Variants in SRPK1 observed in about 807,000 individuals in gnomAD.
The protein encoded by SRPK1 is SRSF protein kinase 1.
In SRPK1, 52 loss-of-function variants were observed where a neutral mutation model predicts 89.5. That is an observed-to-expected ratio of 0.58 (90% CI 0.46 to 0.73). The LOEUF is 0.73. SRPK1 is among the 30% of genes least tolerant of loss of function. SRPK1 has a pLI of 0.00. For synonymous variants in SRPK1, 255 were observed against 270.2 expected (o/e 0.94, Z 0.55); for missense variants, 603 against 780.6 (o/e 0.77, Z 2.71).
At position 35,869,852 on chromosome 6, in the gene SRPK1, T is replaced by G; in HGVS notation, c.1041A>C (p.Thr347=). ...AATTAATTTCTGCTGCACCACCCTC[T>G]GTATCACGTTCCATAAGCGTTTGAT... ...GQDQTLMERD[T]EGGAAEINCN... Residue 347 remains threonine (T), a synonymous_variant, in exon 11 of 16, where the codon ACA becomes ACC. Coordinates refer to ENST00000373825, the MANE Select transcript of SRPK1 (RefSeq NM_003137.5). 1 of 1,603,468 alleles carries G rather than the reference T, an allele frequency of 6.2e-7. No individual in the cohort carries two copies. Among genetic ancestry groups the G allele is most frequent in the Non-Finnish European group, 8.5e-7 (1 of 1,174,878 alleles).
chr6:35,900,476 C>T (rs1770718012), intron 2 of SRPK1, among the ~76,000 whole-genome samples: 1 of 152,116 alleles, frequency 6.6e-6, no homozygotes, highest in Non-Finnish European at 1.5e-5. Context: ...GTATAGGGTC[C>T]CTGCCTTCAC....
intron 2 of SRPK1, among the ~76,000 whole-genome samples, chr6:35,915,379 C>T (rs1771064953): frequency 7.1e-6 from 1 of 139,988 alleles, no homozygotes; most frequent in Non-Finnish European, 1.5e-5. Flanking sequence ...TGCACTCCAG[C>T]CTGGACGACA....
intron 9 of SRPK1, 128 bp from the exon 10 acceptor site, chr6:35,870,622 G>C: frequency 1.2e-6 from 1 of 868,018 alleles, no homozygotes; most frequent in East Asian, 2.7e-5. Flanking sequence ...TAGCACTTAA[G>C]TCTTTCATTA....
intron 12 of SRPK1, among the ~76,000 whole-genome samples, chr6:35,863,752 ATCTT>A (rs1362434786): frequency 6.6e-6 from 1 of 152,152 alleles, no homozygotes; most frequent in African/African-American, 2.4e-5. Context: ...AAGAGAGAAA[ATCTT>A]TCTTCAATCA....
intron 2 of SRPK1, among the ~76,000 whole-genome samples, chr6:35,915,423 A>AAAG (rs1371060020): frequency 1.3e-5 from 2 of 151,480 alleles, no homozygotes; most frequent in Non-Finnish European, 2.9e-5. Context: ...AAAAAAAAAA[A>AAAG]AGAAAAATCT....
chr6:35,880,735 G>GAAAAA (rs1238876364), intron 6 of SRPK1, among the ~76,000 whole-genome samples: 47 of 26,930 alleles, frequency 1.7e-3, no homozygotes, highest in East Asian at 2.5e-3. Context: ...AAAAAAAAAA[G>GAAAAA]AAAAAAAAAA....
chr6:35,888,405 G>A (rs932041397), intron 4 of SRPK1, among the ~76,000 whole-genome samples: 4 of 152,116 alleles, frequency 2.6e-5, no homozygotes, highest in Admixed American at 2.6e-4. Context: ...ACTGCAAAAT[G>A]AGGATAAATA....
chr6:35,846,188 G>T (rs534645646), intron 13 of SRPK1, among the ~76,000 whole-genome samples: 1 of 152,050 alleles, frequency 6.6e-6, no homozygotes, highest in South Asian at 2.1e-4. Context: ...ACTTTGGGAG[G>T]CCAAGACGGG....
intron 2 of SRPK1, among the ~76,000 whole-genome samples, chr6:35,918,544 A>G (rs374876584): frequency 6.6e-6 from 1 of 152,208 alleles, no homozygotes; most frequent in Non-Finnish European, 1.5e-5. Flanking sequence ...AAAAACAAAC[A>G]AACAAAAAAA....
Position 35,870,914 on chromosome 6 carries a change from T to TA in SRPK1, c.777+19dup, listed in dbSNP as rs747779145. ...ATAGTCCATAGATCAAAATTAAATA[T>TA]AAAAACACCTTATACTTACTGGTTT... is the stretch of plus-strand genomic sequence containing the variant. On this transcript the variant is annotated intron_variant, in intron 9 of 15. Transcript: ENST00000373825. 4 of 1,587,308 alleles carry TA rather than the reference T, an allele frequency of 2.5e-6. No homozygotes were observed. Among genetic ancestry groups the TA allele is most frequent in the Non-Finnish European group, 3.4e-6 (4 of 1,163,924 alleles).
At chr6:35,851,473 C>A (rs556093664) in intron 13 of SRPK1, among the ~76,000 whole-genome samples, 3 of 151,974 alleles carry the variant, frequency 2.0e-5, no homozygotes, top group Non-Finnish European at 4.4e-5. Flanking sequence ...TGTGCCCAGC[C>A]GGTATTGGAT....
At chr6:35,869,325 A>C (rs951216237) in intron 11 of SRPK1, among the ~76,000 whole-genome samples, 157 bp downstream of exon 11, 3 of 152,248 alleles carry the variant, frequency 2.0e-5, no homozygotes, top group Non-Finnish European at 2.9e-5. Flanking sequence ...TACTCAGTAC[A>C]TGATGGATAA....
chr6:35,841,395 G>T (rs1213809683), intron 14 of SRPK1, among the ~76,000 whole-genome samples: 2 of 152,190 alleles, frequency 1.3e-5, no homozygotes, highest in Non-Finnish European at 2.9e-5. Flanking sequence ...GTTCCATACA[G>T]CATGAAATAT....
chr6:35,919,392 T>C (rs1771179654), intron 2 of SRPK1, among the ~76,000 whole-genome samples: 1 of 152,184 alleles, frequency 6.6e-6, no homozygotes, highest in Non-Finnish European at 1.5e-5. Flanking sequence ...AATCTGGTAT[T>C]GTCATTCAGT....
At chr6:35,914,587 T>C (rs1249790053) in intron 2 of SRPK1, among the ~76,000 whole-genome samples, 3 of 152,168 alleles carry the variant, frequency 2.0e-5, no homozygotes, top group Non-Finnish European at 4.4e-5. Context: ...CTTATCTTTC[T>C]CTTTTTTCTC....
intron 12 of SRPK1, among the ~76,000 whole-genome samples, chr6:35,863,524 C>T (rs1261814220): frequency 3.4e-5 from 5 of 146,414 alleles, no homozygotes; most frequent in East Asian, 4.0e-4. Context: ...GTTTAGAAAA[C>T]CTCTTTAAGA....
chr6:35,884,074 G>A (rs932621626), intron 6 of SRPK1, among the ~76,000 whole-genome samples: 1 of 151,966 alleles, frequency 6.6e-6, no homozygotes, highest in East Asian at 1.9e-4. Flanking sequence ...GGGAGACAGT[G>A]TAAAGAAAAT....
intron 2 of SRPK1, among the ~76,000 whole-genome samples, chr6:35,900,490 G>T (rs1020743541): frequency 2.6e-5 from 4 of 152,184 alleles, no homozygotes; most frequent in African/African-American, 9.7e-5. Context: ...CCTTCACTGT[G>T]TTTACATTCT....
chr6:35,851,673 T>G (rs370433648), intron 13 of SRPK1, among the ~76,000 whole-genome samples: 3 of 152,246 alleles, frequency 2.0e-5, no homozygotes, highest in African/African-American at 7.2e-5. Flanking sequence ...AATGTTACAT[T>G]TGAGATATTT....
Sources: gnomAD v4.1 joint callset for allele counts (sites outside exome capture counted in the v4.1 genomes callset) on GRCh38, gnomAD v4.1.1 for gene constraint, MANE v1.5 for transcripts, NCBI Gene and HGNC (gene_info 2026-07-23, HGNC 2026-07-21) for gene names.